The following TRPC5 variants were observed in gnomAD, a reference collection of about 807,000 sequenced individuals.
TRPC5 encodes the protein transient receptor potential cation channel subfamily C member 5.
TRPC5 carries 9 observed loss-of-function variants against 56.5 expected under a neutral mutation model. That is an observed-to-expected ratio of 0.16 (90% CI 0.10 to 0.28). The LOEUF is 0.28. Among genes scored for constraint, TRPC5 ranks in the 10% least tolerant of loss-of-function variants. The pLI is 1.00. For missense variants in TRPC5, 469 were observed against 748.9 expected, an observed-to-expected ratio of 0.63 and a Z score of 4.36; for synonymous variants, 282 against 278.5, an observed-to-expected ratio of 1.01 and a Z score of -0.13.
intron 1 of TRPC5, among the ~76,000 whole-genome samples, chrX:111,993,625 T>C (rs916638888): frequency 8.9e-6 from 1 of 112,364 alleles, no homozygotes; most frequent in Non-Finnish European, 1.9e-5. Flanking sequence ...CTCATTGCGG[T>C]TTTGATTTGC....
intron 7 of TRPC5, among the ~76,000 whole-genome samples, chrX:111,808,544 G>A (rs761015529): frequency 4.5e-5 from 5 of 110,726 alleles, no homozygotes; most frequent in Non-Finnish European, 9.4e-5. Flanking sequence ...TCAGGGCAGT[G>A]GTACCCCCTT....
intron 3 of TRPC5, among the ~76,000 whole-genome samples, chrX:111,886,858 A>G (rs1346092540): frequency 8.9e-6 from 1 of 112,820 alleles, no homozygotes. Context: ...ATATAGCTGC[A>G]TCTTCCACTA....
chrX:111,840,196 G>T (rs1176908396), intron 6 of TRPC5, among the ~76,000 whole-genome samples: 1 of 111,369 alleles, frequency 9.0e-6, no homozygotes, highest in African/African-American at 3.3e-5. Context: ...AAAAACAAAA[G>T]AACAATTTTT....
Position 111,781,961 on chromosome X carries a change from T to C in TRPC5, c.2074A>G (p.Arg692Gly), listed in dbSNP as rs1945923224. 2 of 1,194,984 alleles carry C rather than the reference T, an allele frequency of 1.7e-6. No individual in the cohort carries two copies. Among genetic ancestry groups the C allele is most frequent in the Non-Finnish European group, 2.3e-6 (2 of 888,642 alleles). ...GTGAAACTTCTCAAGTTGCGCCTTC[T>C]CCGTCTACCGTCAGGGTCTCTTTTG... ...CPKRDPDGRR[R>G]RRNLRSFTER... Residue 692 changes from arginine (R) to glycine (G), a missense_variant, in exon 8 of 11, where the codon AGA becomes GGA. Arg to Gly is a moderately radical substitution (Grantham distance 125). Around this residue, in one of 3 missense-constraint regions of TRPC5, gnomAD observed 194 missense variants for 221.8 expected, o/e 0.87. Coordinates refer to ENST00000262839, the MANE Select transcript of TRPC5 (RefSeq NM_012471.3).
intron 1 of TRPC5, among the ~76,000 whole-genome samples, chrX:112,035,739 C>T (rs1257889185): frequency 9.1e-6 from 1 of 109,390 alleles, no homozygotes; most frequent in Non-Finnish European, 1.9e-5. Context: ...TCACGCCATT[C>T]TCCTGCCCCA....
chrX:111,937,496 T>C (rs1275574049), intron 2 of TRPC5, among the ~76,000 whole-genome samples: 1 of 106,155 alleles, frequency 9.4e-6, no homozygotes, highest in Non-Finnish European at 1.9e-5. Context: ...TTTAAGTCTT[T>C]AATCCATCTT....
At chrX:111,779,547 C>T (rs982197587) in intron 9 of TRPC5, among the ~76,000 whole-genome samples, 2 of 111,897 alleles carry the variant, frequency 1.8e-5, no homozygotes, top group Non-Finnish European at 3.8e-5. Context: ...GGAATGTCCT[C>T]TTTTCACTAA....
intron 1 of TRPC5, among the ~76,000 whole-genome samples, chrX:112,039,901 C>T (rs1440830917): frequency 8.9e-6 from 1 of 112,153 alleles, no homozygotes; most frequent in South Asian, 3.7e-4. Flanking sequence ...AGACAAATAG[C>T]TCAATGTGAC....
intron 1 of TRPC5, among the ~76,000 whole-genome samples, chrX:112,004,070 C>T (rs1928768914): frequency 8.9e-6 from 1 of 112,173 alleles, no homozygotes; most frequent in South Asian, 3.7e-4. Flanking sequence ...ATGACATCCT[C>T]ATATTACAGA....
intron 1 of TRPC5, among the ~76,000 whole-genome samples, chrX:112,012,808 A>G (rs1929025604): frequency 9.0e-6 from 1 of 111,716 alleles, no homozygotes; most frequent in South Asian, 3.8e-4. Flanking sequence ...CAAAAGTTTA[A>G]AGGTTATTGA....
In TRPC5 at chrX:111,952,045, G is replaced by C. The variant is rs764592256; in HGVS notation, c.376C>G (p.Gln126Glu). 8.3e-7 allele frequency: 1 copy of C among 1,201,740 alleles called. No homozygotes were observed. The highest frequency in any genetic ancestry group is 1.8e-5 in the South Asian group (1 of 55,500). ...LSYRRPSGEKQVPTLMMDTQF... is the reference protein window; with the variant it reads ...LSYRRPSGEKEVPTLMMDTQF... Reference sequence around the variant, plus strand: ...CAGCCTATAGGAATTTCTCTTACCTGCTTCTCTCCGCTGGGCCGCCTGTAG... The same window carrying C: ...CAGCCTATAGGAATTTCTCTTACCTCCTTCTCTCCGCTGGGCCGCCTGTAG... Residue 126 changes from glutamine to glutamate, a missense_variant and splice_region_variant, in exon 2 of 11, where the codon CAG becomes GAG. This residue lies in a region of TRPC5 where 118 missense variants were observed against 167.1 expected (regional missense o/e 0.71). Transcript: ENST00000262839.
At chrX:111,986,567 T>C (rs751148812) in intron 1 of TRPC5, among the ~76,000 whole-genome samples, 2 of 110,616 alleles carry the variant, frequency 1.8e-5, no homozygotes, top group South Asian at 7.7e-4. Context: ...GGGAGGCCGT[T>C]ACACTTTTCC....
At chrX:111,788,396 T>C in intron 7 of TRPC5, among the ~76,000 whole-genome samples, 1 of 111,455 alleles carries the variant, frequency 9.0e-6, no homozygotes, top group Non-Finnish European at 1.9e-5. Context: ...ATAAACTAGG[T>C]ATTGATGGAA....
chrX:111,789,870 T>C (rs947607690), intron 7 of TRPC5, among the ~76,000 whole-genome samples: 4 of 112,410 alleles, frequency 3.6e-5, no homozygotes, highest in Admixed American at 9.4e-5. Flanking sequence ...TACCATCTCA[T>C]GCCAGTTAGA....
chrX:111,812,189 T>A (rs913129876), intron 7 of TRPC5, among the ~76,000 whole-genome samples: 34 of 110,931 alleles, frequency 3.1e-4, no homozygotes, highest in African/African-American at 1.1e-3. Flanking sequence ...AGTTATGTCC[T>A]TTAAAAATTT....
At chrX:111,873,114 C>T (rs558677191) in intron 3 of TRPC5, among the ~76,000 whole-genome samples, 1 of 110,289 alleles carries the variant, frequency 9.1e-6, no homozygotes, top group African/African-American at 3.4e-5. Flanking sequence ...ACCCAAGTGC[C>T]CATCAGCAGT....
intron 3 of TRPC5, among the ~76,000 whole-genome samples, chrX:111,885,796 AAATC>A (rs1166881293): frequency 1.8e-5 from 2 of 111,247 alleles, no homozygotes; most frequent in African/African-American, 3.3e-5. Context: ...TTTACAAACT[AAATC>A]AATAGGGCAT....
At chrX:112,005,399 C>T (rs1461643288) in intron 1 of TRPC5, among the ~76,000 whole-genome samples, 1 of 106,532 alleles carries the variant, frequency 9.4e-6, no homozygotes, top group East Asian at 2.9e-4. Context: ...ATAACAAACC[C>T]CTGTGACACA....
At chrX:111,967,149 G>A (rs1441422949) in intron 1 of TRPC5, among the ~76,000 whole-genome samples, 43 of 111,677 alleles carry the variant, frequency 3.9e-4, no homozygotes, top group African/African-American at 1.2e-3. Context: ...TACAAAATCA[G>A]TGTACAAAAA....
Sources: allele counts gnomAD v4.1 joint callset (sites outside exome capture counted in the v4.1 genomes callset), GRCh38; gene constraint gnomAD v4.1.1; regional missense constraint gnomAD v4.1.1; transcripts MANE v1.5; gene names NCBI Gene and HGNC (gene_info 2026-07-23, HGNC 2026-07-21).